The following HTT variants were observed in gnomAD, a reference collection of about 807,000 sequenced individuals.
The protein encoded by HTT is huntington disease protein.
In HTT, 104 loss-of-function variants were observed where a neutral mutation model predicts 362.3. The observed-to-expected ratio is 0.29, with a 90% CI of 0.24 to 0.34. The LOEUF is 0.34. HTT is among the 10% of genes least tolerant of loss of function. The pLI is 1.00. For missense variants in HTT, 3,301 were observed against 3,928.6 expected (o/e 0.84, Z 4.27); for synonymous variants, 1,577 against 1,548.7 (o/e 1.02, Z -0.43).
Position 3,120,373 on chromosome 4 carries a change from G to A in HTT, c.1069-855G>A, listed in dbSNP as rs1715235943. Reference sequence around the variant, plus strand: ...ATTTTATCTGGCAACTGTAATTAAAGGGAAAAAGAATAAATTCATTATGTT... The same window carrying A: ...ATTTTATCTGGCAACTGTAATTAAAAGGAAAAAGAATAAATTCATTATGTT... On this transcript the variant is annotated intron_variant, in intron 8 of 66. Transcript: ENST00000355072. 2.0e-5 allele frequency among the ~76,000 whole-genome samples: 3 copies of A among 152,256 alleles called. No individual in the cohort carries two copies. In the South Asian group the frequency reaches 6.2e-4, roughly 32 times the overall value.
intron 29 of HTT, among the ~76,000 whole-genome samples, chr4:3,169,022 C>CTT (rs761540640): frequency 9.9e-5 from 14 of 141,110 alleles, no homozygotes; most frequent in East Asian, 2.0e-4. Flanking sequence ...TTCTTTCTTT[C>CTT]TTTTTTTTTT....
intron 40 of HTT, among the ~76,000 whole-genome samples, chr4:3,195,662 A>C (rs1297528070): frequency 6.6e-6 from 1 of 151,998 alleles, no homozygotes; most frequent in African/African-American, 2.4e-5. Context: ...AGCTACTGTA[A>C]CAAATAAACC....
rs1404752762 is a variant in HTT at position 3,206,415 on chromosome 4, C to T, written c.5719-81C>T. 3 of 1,063,098 alleles carry T rather than the reference C, an allele frequency of 2.8e-6. No individual in the cohort carries two copies. The Admixed American group carries it at 5.5e-5, about 20-fold the overall frequency. The allele number at this position is 1,063,098 out of a possible 1,614,324, so 65.9% of individuals were successfully genotyped here. A position where few individuals can be genotyped will look rare whatever the true frequency, so the allele number is the denominator to read the frequency against. On this transcript the variant is annotated intron_variant, in intron 42 of 66. Coordinates refer to ENST00000355072, the MANE Select transcript of HTT (RefSeq NM_001388492.1). The surrounding 1 kb of genome is among the most constrained non-coding windows in gnomAD (Gnocchi z 4.6). ...TGGGATGTGTTTTCTCCTTCTTACC[C>T]TTTCTGGCCTTTCTATGGCATTAAT...
At chr4:3,191,154 G>GCTTTCTTTCTTTCTTTCTTT (rs71180117) in intron 40 of HTT, among the ~76,000 whole-genome samples, 11 of 147,944 alleles carry the variant, frequency 7.4e-5, no homozygotes, top group African/African-American at 2.7e-4. Flanking sequence ...TACTGCTTGA[G>GCTTTCTTTCTTTCTTTCTTT]CTTTCTTTCT....
At position 3,228,959 on chromosome 4, in the gene HTT, A is replaced by C; in HGVS notation, c.8059A>C (p.Ser2687Arg). ...GTACAGCCGCTGGATCCTGCCGTCC[A>C]GCTCAGCCAGGAGGACCCCGGCCAT... Reference protein sequence around the residue: ...ELYSRWILPSSSARRTPAILI... With the variant: ...ELYSRWILPSRSARRTPAILI... Residue 2687 changes from serine to arginine, a missense_variant, in exon 59 of 67, where the codon AGC (serine) becomes CGC (arginine). Ser to Arg is a moderately radical substitution (Grantham distance 110). Around this residue, in one of 4 missense-constraint regions of HTT, gnomAD observed 753 missense variants for 1,021.3 expected, o/e 0.74. Transcript: ENST00000355072. The surrounding 1 kb of genome is among the most constrained non-coding windows in gnomAD (Gnocchi z 4.3). 1 of 1,613,774 alleles carries C rather than the reference A, an allele frequency of 6.2e-7. No homozygotes were observed. The highest frequency in any genetic ancestry group is 8.5e-7 in the Non-Finnish European group (1 of 1,179,802).
At chr4:3,169,913 G>T (rs1717895299) in intron 29 of HTT, among the ~76,000 whole-genome samples, 1 of 152,184 alleles carries the variant, frequency 6.6e-6, no homozygotes, top group African/African-American at 2.4e-5. Flanking sequence ...TTTATCTCTA[G>T]AAGTTTGATT....
intron 4 of HTT, among the ~76,000 whole-genome samples, chr4:3,104,883 G>C (rs981356332): frequency 5.3e-5 from 8 of 152,048 alleles, no homozygotes; most frequent in African/African-American, 1.9e-4. Flanking sequence ...CAGCCTGGGC[G>C]ACCAAGTGAG....
intron 1 of HTT, among the ~76,000 whole-genome samples, chr4:3,082,717 G>A (rs936403386): frequency 1.3e-5 from 2 of 152,140 alleles, no homozygotes. Flanking sequence ...CAAGCATTTG[G>A]GAGGAAGACC....
intron 29 of HTT, among the ~76,000 whole-genome samples, chr4:3,168,279 G>A (rs1717806920): frequency 6.6e-6 from 1 of 152,202 alleles, no homozygotes; most frequent in Non-Finnish European, 1.5e-5. Context: ...CAGAGCCCCT[G>A]CACCAACATG....
intron 19 of HTT, among the ~76,000 whole-genome samples, chr4:3,135,082 A>T (rs1715997130): frequency 6.6e-6 from 1 of 152,084 alleles, no homozygotes; most frequent in Admixed American, 6.6e-5. Flanking sequence ...TCGTCATTTA[A>T]GTATTCTGGA....
At chr4:3,210,583 C>T (rs1224714490) in intron 47 of HTT, among the ~76,000 whole-genome samples, 2 of 150,568 alleles carry the variant, frequency 1.3e-5, no homozygotes, top group Admixed American at 6.6e-5. Context: ...CCCTGTCCCT[C>T]ACCCGTGGGC....
At position 3,174,891 on chromosome 4, in the gene HTT, CT is replaced by C; in HGVS notation, c.4246-51del. 4 of 1,554,520 alleles carry C rather than the reference CT, an allele frequency of 2.6e-6. 1 individual carries two copies. In the African/African-American group the frequency reaches 5.4e-5, roughly 21 times the overall value. The stretch of plus-strand genomic sequence containing the variant: ...GACTTTCCAGGTATTTTGCTTGAAG[CT>C]TTTAGTTGAAGGCTTACTTATGGAT... On this transcript the variant is annotated intron_variant, in intron 32 of 66. Transcript: ENST00000355072.
Position 3,167,345 on chromosome 4 carries a change from A to G in HTT, c.3865-4975A>G, listed in dbSNP as rs965640260. Among the ~76,000 whole-genome samples the G allele has an allele frequency of 2.0e-5, 3 of 152,306 alleles. No individual in the cohort carries two copies. In the East Asian group the frequency reaches 5.8e-4, roughly 29 times the overall value. On this transcript the variant is annotated intron_variant, in intron 29 of 66. Coordinates refer to ENST00000355072, the MANE Select transcript of HTT (RefSeq NM_001388492.1). ...CTCAGCCTCCTAGAGTGCTGGGATC[A>G]CAGGTGTCAGCCACCACGCCCAGCC...
chr4:3,240,216 A>G lies in HTT; in HGVS notation c.*157A>G. On this transcript the variant is annotated 3_prime_UTR_variant, in exon 67 of 67. Coordinates refer to ENST00000355072, the MANE Select transcript of HTT (RefSeq NM_001388492.1). ...AACGTGCGTGTCTCTGCCATGTGGCAGAAGTGCTCTTTGTGGCAGTGGCCA... is the reference window on the plus strand; with the variant it reads ...AACGTGCGTGTCTCTGCCATGTGGCGGAAGTGCTCTTTGTGGCAGTGGCCA... 2 of 640,460 alleles carry G rather than the reference A, an allele frequency of 3.1e-6. No homozygotes were observed. The highest frequency in any genetic ancestry group is 5.3e-5 in the Admixed American group (2 of 37,452). The allele number at this position is 640,460 out of a possible 1,614,324, so 39.7% of individuals were successfully genotyped here. A position where few individuals can be genotyped will look rare whatever the true frequency, so the allele number is the denominator to read the frequency against.
chr4:3,075,876 G>T (rs996205014), intron 1 of HTT, among the ~76,000 whole-genome samples: 3 of 152,126 alleles, frequency 2.0e-5, no homozygotes, highest in African/African-American at 7.2e-5. Context: ...GTAAAGTGGT[G>T]AACTTACGTG....
At chr4:3,099,207 C>T in intron 2 of HTT, 67 bp from the exon 3 acceptor site, 2 of 1,064,242 alleles carry the variant, frequency 1.9e-6, no homozygotes, top group Non-Finnish European at 2.9e-6. Flanking sequence ...CACCGGATAC[C>T]TCATTACATT....
At chr4:3,119,120 A>C (rs1715171123) in intron 8 of HTT, among the ~76,000 whole-genome samples, 1 of 152,202 alleles carries the variant, frequency 6.6e-6, no homozygotes, top group Non-Finnish European at 1.5e-5. Flanking sequence ...AAACTCTCTC[A>C]CCTAGGCATG....
intron 31 of HTT, among the ~76,000 whole-genome samples, chr4:3,173,950 C>T (rs999342521): frequency 5.9e-5 from 9 of 152,206 alleles, no homozygotes; most frequent in South Asian, 2.1e-4. Flanking sequence ...GGATTACAGG[C>T]GTGAGCCACC....
rs1472435286 is a variant in HTT, at chr4:3,229,072, A to ACC, written c.8109+66_8109+67dup. 140 of 1,487,242 alleles carry ACC rather than the reference A, an allele frequency of 9.4e-5. 1 individual carries two copies. Among genetic ancestry groups the ACC allele is most frequent in the Admixed American group, 2.3e-4 (13 of 55,774 alleles). The allele number at this position is 1,487,242 out of a possible 1,614,324, so 92.1% of individuals were successfully genotyped here. A position where few individuals can be genotyped will look rare whatever the true frequency, so the allele number is the denominator to read the frequency against. On this transcript the variant is annotated intron_variant, in intron 59 of 66. Transcript: ENST00000355072. ...GCCACACGCACCACACACGCCACAC[A>ACC]CCCCACACACACACACCGCCCACAC... is the stretch of plus-strand genomic sequence containing the variant.
Sources: gnomAD v4.1 joint callset for allele counts (sites outside exome capture counted in the v4.1 genomes callset) on GRCh38, gnomAD v4.1.1 for gene constraint, gnomAD v4.1.1 regional missense constraint, Gnocchi (gnomAD v3.1) non-coding constraint, MANE v1.5 for transcripts, NCBI Gene and HGNC (gene_info 2026-07-23, HGNC 2026-07-21) for gene names.